The following CFAP299 variants were observed in gnomAD, a reference collection of about 807,000 sequenced individuals.
The protein encoded by CFAP299 is cilia and flagella associated protein 299, also known as cilia- and flagella-associated protein 299.
CFAP299 carries 21 observed loss-of-function variants against 27.0 expected under a neutral mutation model. The observed-to-expected ratio is 0.78, with a 90% CI of 0.55 to 1.12. The LOEUF (loss-of-function observed/expected upper bound fraction) is 1.12, where lower values mean the gene tolerates loss of function less well. Ranked by LOEUF, CFAP299 falls within the 50% of genes most tolerant of loss-of-function variation. CFAP299 has a pLI of 0.00. For synonymous variants in CFAP299, 104 were observed against 98.1 expected (o/e 1.06, Z -0.36); for missense variants, 310 against 276.6 (o/e 1.12, Z -0.86).
At chr4:80,613,003 A>T (rs1738078071) in intron 3 of CFAP299, among the ~76,000 whole-genome samples, 1 of 152,132 alleles carries the variant, frequency 6.6e-6, no homozygotes, top group Non-Finnish European at 1.5e-5. Context: ...AGTGCTGGAC[A>T]TGTTATGAGG....
At chr4:80,338,034 T>C (rs1318162136) in intron 1 of CFAP299, among the ~76,000 whole-genome samples, 1 of 152,174 alleles carries the variant, frequency 6.6e-6, no homozygotes, top group Non-Finnish European at 1.5e-5. Flanking sequence ...TTCAGTAGTA[T>C]GGCAAGCATG....
chr4:80,817,081 C>T (rs541307899), intron 3 of CFAP299, among the ~76,000 whole-genome samples: 5 of 152,124 alleles, frequency 3.3e-5, no homozygotes, highest in African/African-American at 4.8e-5. Flanking sequence ...TGCTTTGTCC[C>T]AGGTTAGGCA....
intron 3 of CFAP299, among the ~76,000 whole-genome samples, chr4:80,764,279 T>C (rs1215082305): frequency 2.0e-5 from 3 of 151,962 alleles, no homozygotes; most frequent in Non-Finnish European, 2.9e-5. Context: ...CATCAAAAAG[T>C]GGGCAAAGGA....
At chr4:80,333,183 A>G (rs1297900429), upstream of CFAP299, among the ~76,000 whole-genome samples, 2 of 152,218 alleles carry the variant, frequency 1.3e-5, no homozygotes, top group East Asian at 1.9e-4. Context: ...ACAGAGAAGC[A>G]GTGGAACCAG....
chr4:80,770,158 G>A (rs756921852), intron 3 of CFAP299, among the ~76,000 whole-genome samples: 2 of 152,088 alleles, frequency 1.3e-5, no homozygotes, highest in Admixed American at 6.6e-5. Context: ...TAATGTTCTC[G>A]AGGACTTTGT....
At chr4:80,558,295 A>T (rs896423497) in intron 2 of CFAP299, among the ~76,000 whole-genome samples, 1 of 151,702 alleles carries the variant, frequency 6.6e-6, no homozygotes, top group African/African-American at 2.4e-5. Context: ...CAAATAATAA[A>T]TAATGTACAA....
intron 4 of CFAP299, among the ~76,000 whole-genome samples, chr4:80,938,298 G>T (rs183612314): frequency 6.6e-6 from 1 of 152,268 alleles, no homozygotes; most frequent in Admixed American, 6.5e-5. Flanking sequence ...TGACACCCAC[G>T]CTTGAAGGTT....
intron 2 of CFAP299, among the ~76,000 whole-genome samples, chr4:80,369,172 A>G (rs897963): frequency 0.86 from 130,610 of 152,238 alleles, 56,348 homozygotes; most frequent in African/African-American, 0.95. Context: ...AAAAGCTGGA[A>G]GCTGTCAGCT....
intron 4 of CFAP299, among the ~76,000 whole-genome samples, chr4:80,943,217 A>G (rs6830629): frequency 0.1 from 15,195 of 152,216 alleles, 1,286 homozygotes; most frequent in East Asian, 0.21. Flanking sequence ...CAGACATTCT[A>G]TGTCCTGGCC....
chr4:80,687,153 A>C (rs943198802), intron 3 of CFAP299, among the ~76,000 whole-genome samples: 2 of 152,160 alleles, frequency 1.3e-5, no homozygotes, highest in Non-Finnish European at 2.9e-5. Flanking sequence ...AAGCCAGTAC[A>C]TCCCATCACA....
intron 2 of CFAP299, among the ~76,000 whole-genome samples, chr4:80,390,846 CAT>C (rs562642387): frequency 1.3e-4 from 18 of 136,086 alleles, no homozygotes; most frequent in Non-Finnish European, 1.7e-4. Context: ...TGTATATACA[CAT>C]ATATGTATAT....
chr4:80,946,860 T>C (rs1029569528), intron 5 of CFAP299, among the ~76,000 whole-genome samples: 21 of 152,130 alleles, frequency 1.4e-4, no homozygotes, highest in Admixed American at 6.6e-5. Context: ...ATTTCCAGAG[T>C]CATTTCCTTA....
intron 4 of CFAP299, among the ~76,000 whole-genome samples, chr4:80,874,954 G>T (rs1160241539): frequency 1.3e-5 from 2 of 152,050 alleles, no homozygotes; most frequent in Non-Finnish European, 2.9e-5. Flanking sequence ...ATTATTTCAT[G>T]TTAAAATAAT....
chr4:80,755,822 C>G (rs190321822), intron 3 of CFAP299, among the ~76,000 whole-genome samples: 79 of 152,182 alleles, frequency 5.2e-4, no homozygotes, highest in African/African-American at 1.9e-3. Context: ...CAGCACTGTT[C>G]CTTTCCTATG....
chr4:80,822,746 C>T (rs2110125363), intron 3 of CFAP299, among the ~76,000 whole-genome samples: 1 of 152,208 alleles, frequency 6.6e-6, no homozygotes, highest in East Asian at 1.9e-4. Flanking sequence ...AACTGGATTC[C>T]CATATTCTAA....
chr4:80,963,387 A>T (rs1738439713), intron 5 of CFAP299, 130 bp from the exon 6 acceptor site: 1 of 634,778 alleles, frequency 1.6e-6, no homozygotes. Flanking sequence ...GAAAACATGT[A>T]TATATCTCCG....
Position 80,772,232 on chromosome 4 carries a change from T to C in CFAP299, c.334-97761T>C, listed in dbSNP as rs573459211. Among the ~76,000 whole-genome samples, 8 of 152,290 alleles carry C rather than the reference T, an allele frequency of 5.3e-5. No individual in the cohort carries two copies. In the South Asian group the frequency reaches 1.7e-3, roughly 32 times the overall value. On this transcript the variant is annotated intron_variant, in intron 3 of 5. Transcript: ENST00000358105. ...TAAGAGATTAGTGAATATCCTTTGCTTTACAAAACGTGATAAACCTCAATG... is the reference window on the plus strand; with the variant it reads ...TAAGAGATTAGTGAATATCCTTTGCCTTACAAAACGTGATAAACCTCAATG...
chr4:80,587,621 C>T (rs1736516487), intron 3 of CFAP299, among the ~76,000 whole-genome samples: 2 of 152,116 alleles, frequency 1.3e-5, no homozygotes, highest in South Asian at 4.2e-4. Context: ...GAGACAGTGC[C>T]TTGCTCTGTT....
chr4:80,866,686 G>A (rs1406560045), intron 3 of CFAP299, among the ~76,000 whole-genome samples: 1 of 152,092 alleles, frequency 6.6e-6, no homozygotes, highest in African/African-American at 2.4e-5. Context: ...CGCACTTATA[G>A]TCCGCTTGAC....
Sources: gnomAD v4.1 joint callset for allele counts (sites outside exome capture counted in the v4.1 genomes callset) on GRCh38, gnomAD v4.1.1 for gene constraint, MANE v1.5 for transcripts, NCBI Gene and HGNC (gene_info 2026-07-23, HGNC 2026-07-21) for gene names.